Variants in PACSIN2 observed in about 807,000 individuals in gnomAD.
PACSIN2 encodes protein kinase C and casein kinase substrate in neurons 2, also known as protein kinase C and casein kinase substrate in neurons protein 2.
In PACSIN2, 25 loss-of-function variants were observed where a neutral mutation model predicts 63.8. The ratio of observed to expected loss-of-function variants is 0.39; its 90% CI spans 0.29 to 0.55. PACSIN2 has a LOEUF of 0.55. Among genes scored for constraint, PACSIN2 ranks in the 20% least tolerant of loss-of-function variants. PACSIN2 has a pLI of 0.62. For missense variants in PACSIN2, 518 were observed against 646.9 expected (o/e 0.80, Z 2.16); for synonymous variants, 255 against 256.2 (o/e 1.00, Z 0.05).
intron 1 of PACSIN2, among the ~76,000 whole-genome samples, chr22:42,921,899 A>T (rs552159863): frequency 6.6e-5 from 10 of 151,950 alleles, no homozygotes; most frequent in South Asian, 4.2e-4. Flanking sequence ...CCACCATGCC[A>T]GGCTAATTTT....
intron 1 of PACSIN2, among the ~76,000 whole-genome samples, chr22:42,918,666 G>A (rs1931964900): frequency 1.3e-5 from 2 of 152,122 alleles, no homozygotes; most frequent in African/African-American, 4.8e-5. Flanking sequence ...CAGCTACCAG[G>A]CATTTCCAGA....
At chr22:42,920,167 G>T (rs771838880) in intron 1 of PACSIN2, among the ~76,000 whole-genome samples, 9 of 152,032 alleles carry the variant, frequency 5.9e-5, no homozygotes, top group Non-Finnish European at 1.0e-4. Context: ...AAGAAACTGA[G>T]CTCCAATACC....
intron 1 of PACSIN2, among the ~76,000 whole-genome samples, chr22:42,989,775 TG>T (rs1922884880): frequency 6.7e-6 from 1 of 149,726 alleles, no homozygotes; most frequent in Non-Finnish European, 1.5e-5. Context: ...CATTCCAGCC[TG>T]GGCGACACAG....
At chr22:42,978,674 G>A (rs1319470461) in intron 1 of PACSIN2, among the ~76,000 whole-genome samples, 1 of 152,186 alleles carries the variant, frequency 6.6e-6, no homozygotes, top group Non-Finnish European at 1.5e-5. Context: ...GATGTGCTAT[G>A]CTTTTTGGCC....
chr22:42,926,651 C>T (rs1266178541), intron 1 of PACSIN2, among the ~76,000 whole-genome samples: 1 of 147,976 alleles, frequency 6.8e-6, no homozygotes, highest in Non-Finnish European at 1.5e-5. Context: ...CATGACAGAC[C>T]AAGCCCTCTT....
chr22:42,971,861 C>T (rs1342290651), intron 1 of PACSIN2, among the ~76,000 whole-genome samples: 1 of 151,290 alleles, frequency 6.6e-6, no homozygotes, highest in Non-Finnish European at 1.5e-5. Context: ...GGGCAGCCCC[C>T]GCCCAGCCAG....
At chr22:42,875,460 A>G (rs1043434007) in intron 10 of PACSIN2, among the ~76,000 whole-genome samples, 2 of 151,316 alleles carry the variant, frequency 1.3e-5, no homozygotes, top group African/African-American at 4.9e-5. Context: ...ACCTCAATCT[A>G]CTGGGCTCAG....
intron 3 of PACSIN2, 29 bp from the exon 4 acceptor site, chr22:42,891,211 C>T (rs1602192662): frequency 6.5e-7 from 1 of 1,528,206 alleles, no homozygotes; most frequent in South Asian, 1.1e-5. Context: ...CTGCGGGTCA[C>T]TCAGCGCCGG....
intron 1 of PACSIN2, among the ~76,000 whole-genome samples, chr22:42,950,598 C>G (rs1163748829): frequency 6.6e-6 from 1 of 152,210 alleles, no homozygotes; most frequent in Non-Finnish European, 1.5e-5. Flanking sequence ...CTGAAAACAG[C>G]AGCCCCAGCC....
At chr22:42,920,471 T>G (rs1428540601) in intron 1 of PACSIN2, among the ~76,000 whole-genome samples, 2 of 152,212 alleles carry the variant, frequency 1.3e-5, no homozygotes, top group African/African-American at 2.4e-5. Flanking sequence ...TCCAAAATAA[T>G]GACATTACAG....
At position 42,882,291 on chromosome 22, in the gene PACSIN2, A is replaced by T. The variant is rs371865681; in HGVS notation, c.799T>A (p.Tyr267Asn). The T allele has an allele frequency of 9.5e-5, 153 of 1,611,560 alleles. No homozygotes were observed. Among genetic ancestry groups the T allele is most frequent in the South Asian group, 7.8e-4 (71 of 90,826 alleles). Reference sequence around the variant, plus strand: ...CTGATGCTCTGCTCCAGGTCATGGTAAATGGCTTTGTAGCTAAATCAGAGA... The same window carrying T: ...CTGATGCTCTGCTCCAGGTCATGGTTAATGGCTTTGTAGCTAAATCAGAGA... ...LSNVAGYKAI[Y>N]HDLEQSIRAA... The change falls in exon 7 of 11, where the codon TAC (tyrosine) becomes AAC (asparagine). Residue 267 changes from tyrosine to asparagine, a missense_variant. Physicochemically the swap from Tyr to Asn is moderately radical, Grantham distance 143 (BLOSUM62 -2). This residue lies in a region of PACSIN2 where 507 missense variants were observed against 612.3 expected (regional missense o/e 0.83). Transcript: ENST00000263246.
intron 2 of PACSIN2, among the ~76,000 whole-genome samples, chr22:42,900,259 A>G (rs965485518): frequency 1.3e-5 from 2 of 152,138 alleles, no homozygotes; most frequent in Non-Finnish European, 2.9e-5. Flanking sequence ...AGCTCGTCTC[A>G]AAATTGCCTC....
chr22:43,014,713 C>A (rs1924766715), intron 1 of PACSIN2, among the ~76,000 whole-genome samples: 1 of 151,894 alleles, frequency 6.6e-6, no homozygotes, highest in Non-Finnish European at 1.5e-5. Flanking sequence ...CCAGCAGGCC[C>A]CGGACCCCGG....
chr22:42,884,853 C>T (rs1929357948), intron 5 of PACSIN2, among the ~76,000 whole-genome samples: 1 of 152,244 alleles, frequency 6.6e-6, no homozygotes, highest in African/African-American at 2.4e-5. Context: ...GCCACACGCC[C>T]ATGTCCTCTT....
At chr22:43,010,398 A>ATATATATATATATATATATATATTTTTTT in intron 1 of PACSIN2, among the ~76,000 whole-genome samples, 18 of 126,398 alleles carry the variant, frequency 1.4e-4, no homozygotes, top group Non-Finnish European at 2.8e-4. Flanking sequence ...ATATATATAT[A>ATATATATATATATATATATATATTTTTTT]TTTTTTTTTA....
intron 1 of PACSIN2, among the ~76,000 whole-genome samples, chr22:42,983,391 G>A (rs1453661742): frequency 1.3e-5 from 2 of 148,326 alleles, no homozygotes; most frequent in African/African-American, 5.0e-5. Context: ...TTGGGAGGCT[G>A]AGGCAGGAGG....
intron 1 of PACSIN2, among the ~76,000 whole-genome samples, chr22:42,986,272 C>T (rs1392748765): frequency 7.9e-5 from 12 of 152,276 alleles, no homozygotes; most frequent in Admixed American, 5.9e-4. Flanking sequence ...CGTGCCACTG[C>T]GTCAGCCACG....
intron 1 of PACSIN2, among the ~76,000 whole-genome samples, chr22:43,005,528 T>C (rs1442467921): frequency 6.6e-6 from 1 of 152,196 alleles, no homozygotes; most frequent in Non-Finnish European, 1.5e-5. Flanking sequence ...GGGGAGTCCA[T>C]GCAGGGCCAG....
intron 1 of PACSIN2, among the ~76,000 whole-genome samples, chr22:42,952,668 T>TA (rs112266514): frequency 0.06 from 8,802 of 145,666 alleles, 832 homozygotes; most frequent in African/African-American, 0.21. Context: ...TATTTATTTA[T>TA]TTTTTTTTTT....
Sources: gnomAD v4.1 joint callset for allele counts (sites outside exome capture counted in the v4.1 genomes callset) on GRCh38, gnomAD v4.1.1 for gene constraint, gnomAD v4.1.1 regional missense constraint, MANE v1.5 for transcripts, NCBI Gene and HGNC (gene_info 2026-07-23, HGNC 2026-07-21) for gene names.